Variants in TRABD2B observed in about 807,000 individuals in gnomAD.
TRABD2B encodes the protein metalloprotease TIKI2.
Under a neutral mutation model 40.1 loss-of-function variants are expected in TRABD2B, and 14 were observed. The ratio of observed to expected loss-of-function variants is 0.35; its 90% CI spans 0.23 to 0.55. The LOEUF is 0.55. TRABD2B is among the 20% of genes least tolerant of loss of function. The probability of loss-of-function intolerance (pLI) is 0.90; values close to 1 mark genes in which losing one functional copy is unlikely to be tolerated. For missense variants in TRABD2B, 541 were observed against 648.6 expected, an observed-to-expected ratio of 0.83 and a Z score of 1.80; for synonymous variants, 263 against 277.0, an observed-to-expected ratio of 0.95 and a Z score of 0.50.
intron 2 of TRABD2B, among the ~76,000 whole-genome samples, chr1:47,937,025 G>C (rs1395001067): frequency 1.4e-3 from 73 of 52,628 alleles, no homozygotes; most frequent in African/African-American, 1.7e-3. Flanking sequence ...CCACTACCAT[G>C]ATCATCATCA....
At chr1:47,825,035 T>C (rs1204349788) in intron 2 of TRABD2B, among the ~76,000 whole-genome samples, 1 of 152,204 alleles carries the variant, frequency 6.6e-6, no homozygotes, top group Non-Finnish European at 1.5e-5. Flanking sequence ...CGGGGGAATC[T>C]CAGGCTCAGA....
chr1:47,780,932 A>G (rs1644512981), intron 4 of TRABD2B, among the ~76,000 whole-genome samples: 2 of 152,348 alleles, frequency 1.3e-5, no homozygotes, highest in African/African-American at 4.8e-5. Flanking sequence ...CACCAGCCTC[A>G]GTTTTCTTGT....
At chr1:47,973,989 A>C (rs923881102) in intron 2 of TRABD2B, among the ~76,000 whole-genome samples, 2 of 152,092 alleles carry the variant, frequency 1.3e-5, no homozygotes, top group African/African-American at 2.4e-5. Flanking sequence ...CTGCAGTCTC[A>C]ACTATTGGGG....
intron 2 of TRABD2B, among the ~76,000 whole-genome samples, chr1:47,865,407 A>G (rs967206187): frequency 6.6e-6 from 1 of 151,964 alleles, no homozygotes; most frequent in African/African-American, 2.4e-5. Flanking sequence ...CTTCCACCCA[A>G]ACACTGGGAT....
chr1:47,770,897 G>C (rs888610481), intron 6 of TRABD2B, among the ~76,000 whole-genome samples: 4 of 152,222 alleles, frequency 2.6e-5, no homozygotes, highest in Admixed American at 1.3e-4. Flanking sequence ...AACTGTTACC[G>C]AGTGTTACTG....
intron 2 of TRABD2B, among the ~76,000 whole-genome samples, chr1:47,952,520 T>C (rs1361636421): frequency 6.6e-6 from 1 of 152,196 alleles, no homozygotes. Flanking sequence ...CTGTTCTCTG[T>C]ATCTAAGACA....
chr1:47,884,177 T>C (rs1259781227), intron 2 of TRABD2B, among the ~76,000 whole-genome samples: 1 of 152,176 alleles, frequency 6.6e-6, no homozygotes, highest in Non-Finnish European at 1.5e-5. Flanking sequence ...CCCTGTAGGG[T>C]GGCTCTTTCC....
chr1:47,911,043 G>A (rs1347142559), intron 2 of TRABD2B, among the ~76,000 whole-genome samples: 3 of 152,230 alleles, frequency 2.0e-5, no homozygotes, highest in African/African-American at 7.2e-5. Context: ...GAGAAGCAGT[G>A]AAAGGAGCCT....
At chr1:47,990,052 A>G (rs1645978746) in intron 2 of TRABD2B, among the ~76,000 whole-genome samples, 1 of 152,224 alleles carries the variant, frequency 6.6e-6, no homozygotes, top group African/African-American at 2.4e-5. Context: ...TAGAGACAAA[A>G]CTCAATAAAT....
intron 2 of TRABD2B, among the ~76,000 whole-genome samples, chr1:47,801,951 C>T (rs898883566): frequency 6.6e-6 from 1 of 152,186 alleles, no homozygotes; most frequent in Non-Finnish European, 1.5e-5. Flanking sequence ...TCTTTTGACT[C>T]CTTTGTGTTC....
chr1:47,785,529 A>G (rs1169400714), intron 4 of TRABD2B, among the ~76,000 whole-genome samples: 1 of 152,226 alleles, frequency 6.6e-6, no homozygotes, highest in African/African-American at 2.4e-5. Context: ...TGAACAGCGC[A>G]AAGATGGTTA....
At chr1:47,896,300 C>T (rs1466487514) in intron 2 of TRABD2B, among the ~76,000 whole-genome samples, 1 of 152,042 alleles carries the variant, frequency 6.6e-6, no homozygotes, top group Non-Finnish European at 1.5e-5. Context: ...TTGGGGGTCT[C>T]GGGTTACAGA....
At chr1:47,976,296 T>C (rs1313610883) in intron 2 of TRABD2B, among the ~76,000 whole-genome samples, 4 of 152,202 alleles carry the variant, frequency 2.6e-5, no homozygotes, top group Non-Finnish European at 5.9e-5. Flanking sequence ...GCAGGGTTTG[T>C]AGAAAAATCC....
chr1:47,766,383 C>T (rs534100377), intron 6 of TRABD2B, among the ~76,000 whole-genome samples: 2 of 152,164 alleles, frequency 1.3e-5, no homozygotes, highest in East Asian at 1.9e-4. Flanking sequence ...TGTCACCACT[C>T]GAGAGAATGG....
chr1:47,909,438 G>GAGA (rs1011112419), intron 2 of TRABD2B, among the ~76,000 whole-genome samples: 140 of 148,842 alleles, frequency 9.4e-4, no homozygotes, highest in Non-Finnish European at 1.6e-3. Context: ...GAGAGAGAGA[G>GAGA]AGAAGAAGAA....
rs1326116458 is a variant in TRABD2B, at chr1:47,763,537, G to C, written c.*2365C>G. ...TGATAATGAGTTCCTCTGGGCCAAG[G>C]AGAGTGGTTAGATTCAGCTCTAATA... On this transcript the variant is annotated 3_prime_UTR_variant, in exon 7 of 7. Transcript: ENST00000606738. 1.3e-5 allele frequency: 2 copies of C among 152,206 alleles called. No individual in the cohort carries two copies. The highest frequency in any genetic ancestry group is 2.9e-5 in the Non-Finnish European group (2 of 68,040). 9.4% of individuals were successfully genotyped at this position (152,206 alleles called of 1,614,324 possible). A position where few individuals can be genotyped will look rare whatever the true frequency, so the allele number is the denominator to read the frequency against.
intron 2 of TRABD2B, among the ~76,000 whole-genome samples, chr1:47,846,861 C>T (rs1450187289): frequency 1.3e-3 from 112 of 86,156 alleles, no homozygotes; most frequent in African/African-American, 4.2e-3. Flanking sequence ...CATGCATACA[C>T]ACACACACAC....
chr1:47,847,369 A>T (rs1395414128), intron 2 of TRABD2B, among the ~76,000 whole-genome samples: 2 of 152,190 alleles, frequency 1.3e-5, no homozygotes, highest in Non-Finnish European at 2.9e-5. Flanking sequence ...ATCTTGGAGG[A>T]AGGGCCCATA....
intron 2 of TRABD2B, among the ~76,000 whole-genome samples, chr1:47,897,937 T>G (rs2124671819): frequency 6.6e-6 from 1 of 152,308 alleles, no homozygotes; most frequent in South Asian, 2.1e-4. Context: ...TGTTAGCTAT[T>G]TACCTGATAC....
Sources: allele counts gnomAD v4.1 joint callset (sites outside exome capture counted in the v4.1 genomes callset), GRCh38; gene constraint gnomAD v4.1.1; transcripts MANE v1.5; gene names NCBI Gene and HGNC (gene_info 2026-07-23, HGNC 2026-07-21).